Variants in SYNPR observed in about 807,000 individuals in gnomAD.
The protein encoded by SYNPR is synaptoporin.
SYNPR carries 23 observed loss-of-function variants against 32.9 expected under a neutral mutation model. The ratio of observed to expected loss-of-function variants is 0.70; its 90% CI spans 0.50 to 0.99. The LOEUF is 0.99. Ranked by LOEUF, SYNPR falls within the 50% of genes least tolerant of loss-of-function variation. The pLI is 0.00. For synonymous variants in SYNPR, 146 were observed against 135.9 expected, an observed-to-expected ratio of 1.07 and a Z score of -0.52; for missense variants, 318 against 349.3, an observed-to-expected ratio of 0.91 and a Z score of 0.71.
At chr3:63,565,218 G>A (rs1210778711) in intron 4 of SYNPR, among the ~76,000 whole-genome samples, 1 of 152,164 alleles carries the variant, frequency 6.6e-6, no homozygotes, top group African/African-American at 2.4e-5. Flanking sequence ...GGAGAGGGAG[G>A]AGGGAGGTGA....
intron 2 of SYNPR, among the ~76,000 whole-genome samples, chr3:63,479,312 AG>A (rs1357033832): frequency 6.6e-6 from 1 of 152,202 alleles, no homozygotes; most frequent in Non-Finnish European, 1.5e-5. Context: ...ACGCAGTGCC[AG>A]GACCTGTTCT....
chr3:63,332,509 A>C (rs1315732991), intron 2 of SYNPR, among the ~76,000 whole-genome samples: 1 of 152,230 alleles, frequency 6.6e-6, no homozygotes, highest in Non-Finnish European at 1.5e-5. Context: ...CTTTGCACAG[A>C]CTACTTACTC....
At chr3:63,572,291 C>T (rs1388232961) in intron 4 of SYNPR, among the ~76,000 whole-genome samples, 3 of 152,020 alleles carry the variant, frequency 2.0e-5, no homozygotes, top group African/African-American at 7.2e-5. Flanking sequence ...CCTCCTCCTC[C>T]TCCTCCTTCC....
chr3:63,441,918 C>T (rs1700185336), intron 2 of SYNPR, among the ~76,000 whole-genome samples: 1 of 152,188 alleles, frequency 6.6e-6, no homozygotes, highest in African/African-American at 2.4e-5. Flanking sequence ...TTCCCACTCA[C>T]AGCTCTATGA....
intron 3 of SYNPR, among the ~76,000 whole-genome samples, chr3:63,497,941 T>C (rs1018063712): frequency 6.6e-6 from 1 of 152,158 alleles, no homozygotes; most frequent in African/African-American, 2.4e-5. Context: ...ATAAACAGTG[T>C]GTCTCTGGTG....
chr3:63,393,487 CT>C (rs1359112447), intron 2 of SYNPR, among the ~76,000 whole-genome samples: 3 of 118,096 alleles, frequency 2.5e-5, no homozygotes, highest in African/African-American at 1.2e-4. Flanking sequence ...TTCCTTCTTT[CT>C]TTCTTCTCTT....
intron 2 of SYNPR, among the ~76,000 whole-genome samples, chr3:63,429,576 A>G (rs1412541729): frequency 1.3e-5 from 2 of 152,226 alleles, no homozygotes; most frequent in African/African-American, 4.8e-5. Context: ...AGTTGTTTTA[A>G]AAAAGACTGT....
chr3:63,435,495 C>T (rs984374075), intron 2 of SYNPR, among the ~76,000 whole-genome samples: 1 of 152,172 alleles, frequency 6.6e-6, no homozygotes, highest in African/African-American at 2.4e-5. Flanking sequence ...TGTTCAAATG[C>T]AGTCATGTTC....
At chr3:63,465,994 A>G (rs1700670737) in intron 2 of SYNPR, among the ~76,000 whole-genome samples, 1 of 152,200 alleles carries the variant, frequency 6.6e-6, no homozygotes, top group East Asian at 1.9e-4. Context: ...TGTACAGATT[A>G]TTTCATCACC....
At chr3:63,262,844 C>T (rs2086450875) in intron 2 of SYNPR, among the ~76,000 whole-genome samples, 1 of 152,208 alleles carries the variant, frequency 6.6e-6, no homozygotes, top group South Asian at 2.1e-4. Context: ...AATGGTAACA[C>T]TTATGTTGGG....
chr3:63,580,421 T>G (rs1203355814), intron 4 of SYNPR, among the ~76,000 whole-genome samples: 1 of 152,138 alleles, frequency 6.6e-6, no homozygotes, highest in Non-Finnish European at 1.5e-5. Context: ...TAAATGGCAA[T>G]GTAGACTTCA....
chr3:63,366,363 A>G (rs2087729769), intron 2 of SYNPR, among the ~76,000 whole-genome samples: 1 of 152,220 alleles, frequency 6.6e-6, no homozygotes, highest in Non-Finnish European at 1.5e-5. Context: ...CTACAATAAT[A>G]AGACTAGAAT....
intron 4 of SYNPR, among the ~76,000 whole-genome samples, chr3:63,595,517 A>G (rs2029848): frequency 0.23 from 33,909 of 150,612 alleles, 4,326 homozygotes; most frequent in South Asian, 0.44. Flanking sequence ...TCCTGGGACC[A>G]AAAACTCCAA....
chr3:63,253,345 T>C (rs2086353615), intron 2 of SYNPR, among the ~76,000 whole-genome samples: 1 of 152,104 alleles, frequency 6.6e-6, no homozygotes, highest in Admixed American at 6.6e-5. Context: ...AAGGAAACAA[T>C]GTCATATCCT....
At chr3:63,527,056 G>C (rs2106782585) in intron 3 of SYNPR, among the ~76,000 whole-genome samples, 1 of 152,276 alleles carries the variant, frequency 6.6e-6, no homozygotes, top group South Asian at 2.1e-4. Flanking sequence ...TCCAAGAAGA[G>C]AAATTTGAGT....
At chr3:63,455,948 A>G (rs1700474082) in intron 2 of SYNPR, among the ~76,000 whole-genome samples, 1 of 152,090 alleles carries the variant, frequency 6.6e-6, no homozygotes, top group Admixed American at 6.6e-5. Context: ...GGCAATTTGC[A>G]AAAGAAAGAG....
intron 2 of SYNPR, among the ~76,000 whole-genome samples, chr3:63,327,609 G>A (rs2087181376): frequency 6.6e-6 from 1 of 152,068 alleles, no homozygotes. Flanking sequence ...ACAGTGATGA[G>A]AATGGACAAA....
the SYNPR span, among the ~76,000 whole-genome samples, chr3:63,204,052 T>C: frequency 6.6e-6 from 1 of 152,066 alleles, no homozygotes; most frequent in Admixed American, 6.6e-5. Context: ...CTTAAGAGAA[T>C]CACCTTTAAT....
intron 3 of SYNPR, chr3:63,549,909 C>T (rs893308141): frequency 6.6e-6 from 1 of 152,092 alleles, no homozygotes; most frequent in African/African-American, 2.4e-5. Flanking sequence ...AATTCGATTA[C>T]CTCTTGATTG....
Sources: gnomAD v4.1 joint callset for allele counts (sites outside exome capture counted in the v4.1 genomes callset) on GRCh38, gnomAD v4.1.1 for gene constraint, MANE v1.5 for transcripts, NCBI Gene and HGNC (gene_info 2026-07-23, HGNC 2026-07-21) for gene names.